CUX1: variants seen among roughly 807,000 people sequenced by gnomAD.
CUX1 encodes protein CASP.
CUX1 carries 31 observed loss-of-function variants against 158.8 expected under a neutral mutation model. The observed-to-expected ratio is 0.20, with a 90% CI of 0.15 to 0.26. CUX1 has a LOEUF of 0.26. Among genes scored for constraint, CUX1 ranks in the 10% least tolerant of loss-of-function variants. CUX1 has a pLI of 1.00. For synonymous variants in CUX1, 879 were observed against 862.1 expected (o/e 1.02, Z -0.34); for missense variants, 1,589 against 2,014.6 (o/e 0.79, Z 4.04).
chr7:102,264,252 C>T (rs956302374), intron 14 of CUX1, among the ~76,000 whole-genome samples: 2 of 148,366 alleles, frequency 1.3e-5, no homozygotes, highest in Non-Finnish European at 3.0e-5. Context: ...GTGATCCACC[C>T]GCCTCGGCCT....
intron 9 of CUX1, 42 bp downstream of exon 9, chr7:102,158,650 G>A (rs367647577): frequency 2.9e-5 from 46 of 1,597,016 alleles, no homozygotes; most frequent in South Asian, 4.4e-5. Context: ...CCACAATAGC[G>A]GGCCCGTTTC....
rs58391145 is a variant in CUX1, at chr7:102,039,969, G to T, written c.189+11824G>T. Among the ~76,000 whole-genome samples, 393 of 152,148 alleles carry T rather than the reference G, an allele frequency of 2.6e-3. 6 individuals carry two copies. The East Asian group carries it at 0.04, about 16-fold the overall frequency. On this transcript the variant is annotated intron_variant, in intron 3 of 23. Coordinates refer to ENST00000292535, the MANE Select transcript of CUX1 (RefSeq NM_181552.4). ...TGAATGTCTCCCTTACATGCAGCGC[G>T]CTGGCCACGTTCAGAGCTGCATGCA...
At chr7:102,247,989 G>A (rs1263961144) in intron 23 of CUX1, among the ~76,000 whole-genome samples, 4 of 152,106 alleles carry the variant, frequency 2.6e-5, no homozygotes, top group African/African-American at 9.7e-5. Context: ...AAATTAGCTG[G>A]ATGTGGTAGT....
chr7:102,243,915 T>TG (rs1554535919), intron 23 of CUX1, among the ~76,000 whole-genome samples: 1 of 151,908 alleles, frequency 6.6e-6, no homozygotes, highest in East Asian at 1.9e-4. Context: ...TAATCCCAGC[T>TG]ACTCTAGAGG....
intron 2 of CUX1, among the ~76,000 whole-genome samples, chr7:101,985,089 A>T (rs1814108210): frequency 6.6e-6 from 1 of 152,194 alleles, no homozygotes; most frequent in Non-Finnish European, 1.5e-5. Context: ...AATTGAAATT[A>T]TGAATAGTTG....
intron 1 of CUX1, chr7:101,824,446 G>T (rs1272858483): frequency 6.6e-6 from 1 of 152,144 alleles, no homozygotes; most frequent in Non-Finnish European, 1.5e-5. Flanking sequence ...AGTTTCTCTG[G>T]CTTATTACCA....
At chr7:102,272,519 A>G (rs1791290749) in intron 14 of CUX1, among the ~76,000 whole-genome samples, 1 of 152,218 alleles carries the variant, frequency 6.6e-6, no homozygotes, top group Non-Finnish European at 1.5e-5. Flanking sequence ...ACCATGTTAC[A>G]TGTCACCATT....
intron 2 of CUX1, among the ~76,000 whole-genome samples, chr7:102,027,360 G>A (rs188521050): frequency 7.5e-4 from 114 of 152,044 alleles, no homozygotes; most frequent in African/African-American, 2.7e-3. Context: ...GCGACAGAGC[G>A]AGACTCCATC....
chr7:101,955,304 TCTTG>T, intron 2 of CUX1, among the ~76,000 whole-genome samples: 1 of 152,316 alleles, frequency 6.6e-6, no homozygotes, highest in South Asian at 2.1e-4. Context: ...AAAAGGCATT[TCTTG>T]CTTCTCAGTG....
At chr7:101,938,464 T>C (rs932103627) in intron 2 of CUX1, among the ~76,000 whole-genome samples, 3 of 152,192 alleles carry the variant, frequency 2.0e-5, no homozygotes, top group African/African-American at 7.2e-5. Context: ...TCTACTGGCC[T>C]GGAGATATTG....
At chr7:102,073,633 G>C (rs2130637424) in intron 4 of CUX1, among the ~76,000 whole-genome samples, 1 of 152,176 alleles carries the variant, frequency 6.6e-6, no homozygotes, top group South Asian at 2.1e-4. Flanking sequence ...ATAGAAAAAA[G>C]ACCGTTTTTC....
At chr7:101,922,095 G>C (rs564543483) in intron 2 of CUX1, among the ~76,000 whole-genome samples, 1 of 152,076 alleles carries the variant, frequency 6.6e-6, no homozygotes, top group Admixed American at 6.5e-5. Flanking sequence ...TCCAGCCTGG[G>C]CAACAAAGTG....
intron 19 of CUX1, chr7:102,280,728 A>G: frequency 2.0e-6 from 3 of 1,486,412 alleles, no homozygotes; most frequent in East Asian, 4.6e-5. Flanking sequence ...GTGGCTGGCC[A>G]GGCCCTGCTC....
chr7:101,904,114 C>T (rs562979779), intron 1 of CUX1, among the ~76,000 whole-genome samples: 1 of 117,086 alleles, frequency 8.5e-6, no homozygotes, highest in African/African-American at 3.5e-5. Context: ...CGTGTCTTTA[C>T]AAAACACACA....
At chr7:102,191,421 T>G (rs1195552130) in intron 12 of CUX1, among the ~76,000 whole-genome samples, 1 of 152,030 alleles carries the variant, frequency 6.6e-6, no homozygotes, top group East Asian at 1.9e-4. Flanking sequence ...TTGGTAGAGA[T>G]GGGGTTTCTC....
intron 8 of CUX1, among the ~76,000 whole-genome samples, chr7:102,130,581 T>C (rs138472881): frequency 0.012 from 1,801 of 152,110 alleles, 42 homozygotes; most frequent in African/African-American, 0.041. Context: ...CTTGGGAGGC[T>C]GAGGCAGGAG....
At chr7:102,026,818 TAAAAAAAAAAAAAAA>T (rs10533217) in intron 2 of CUX1, among the ~76,000 whole-genome samples, 2 of 96,316 alleles carry the variant, frequency 2.1e-5, no homozygotes, top group South Asian at 3.7e-4. Context: ...ACTCCGTCTT[TAAAAAAAAAAAAAAA>T]AAAAAAAAAA....
rs143326577 is a variant in CUX1 at position 102,174,742 on chromosome 7, G to C, written c.829-3727G>C. ...AGGCGGATCACAAGGTCAGGAGTTCGAGACCAGCCTGGCCAAAATGGCAAA... is the reference window on the plus strand; with the variant it reads ...AGGCGGATCACAAGGTCAGGAGTTCCAGACCAGCCTGGCCAAAATGGCAAA... On this transcript the variant is annotated intron_variant, in intron 10 of 23. Transcript: ENST00000292535. 2.7e-3 allele frequency among the ~76,000 whole-genome samples: 416 copies of C among 152,262 alleles called. 1 individual carries two copies. The highest frequency in any genetic ancestry group is 5.0e-3 in the Non-Finnish European group (337 of 68,012).
chr7:102,249,255 C>G lies in CUX1; in HGVS notation c.*213C>G, dbSNP rs1190100617. 9.3e-7 allele frequency: 1 copy of G among 1,073,616 alleles called. No individual in the cohort carries two copies. The highest frequency in any genetic ancestry group is 1.1e-6 in the Non-Finnish European group (1 of 885,838). The allele number at this position is 1,073,616 out of a possible 1,614,324, so 66.5% of individuals were successfully genotyped here. On this transcript the variant is annotated 3_prime_UTR_variant, in exon 24 of 24. Coordinates refer to ENST00000292535, the MANE Select transcript of CUX1 (RefSeq NM_181552.4). ...TCCAAGGCCGCGGCCCAGACCCACT[C>G]TGCGGCCCGGGCCGACCCTGCGGCC...
Sources: allele counts gnomAD v4.1 joint callset (sites outside exome capture counted in the v4.1 genomes callset), GRCh38; gene constraint gnomAD v4.1.1; transcripts MANE v1.5; gene names NCBI Gene and HGNC (gene_info 2026-07-23, HGNC 2026-07-21).